The following LIMCH1 variants were observed in gnomAD, a reference collection of about 807,000 sequenced individuals.
The protein encoded by LIMCH1 is LIM and calponin homology domains-containing protein 1.
Under a neutral mutation model 176.5 loss-of-function variants are expected in LIMCH1, and 113 were observed. That is an observed-to-expected ratio of 0.64 (90% confidence interval 0.55 to 0.75). LIMCH1 has a LOEUF of 0.75. Among genes scored for constraint, LIMCH1 ranks in the 30% least tolerant of loss-of-function variants. The pLI is 0.00. For synonymous variants in LIMCH1, 619 were observed against 645.9 expected, an observed-to-expected ratio of 0.96 and a Z score of 0.63; for missense variants, 1,674 against 1,814.9, an observed-to-expected ratio of 0.92 and a Z score of 1.41.
chr4:41,531,843 C>T (rs763791325), intron 3 of LIMCH1, among the ~76,000 whole-genome samples: 3 of 152,030 alleles, frequency 2.0e-5, no homozygotes, highest in East Asian at 1.9e-4. Context: ...TGGTACGATC[C>T]GGAGTCTCCA....
In LIMCH1 at chr4:41,697,406, A is replaced by C. The variant is rs2153105336; in HGVS notation, c.*221A>C. ...TTTTTTGCATTTGCACAGTATACAC[A>C]AAAGAATATGGGGTTGTAATGATCC... On this transcript the variant is annotated 3_prime_UTR_variant, in exon 32 of 32. Transcript: ENST00000503057. The C allele has an allele frequency of 2.0e-6, 1 of 510,474 alleles. No individual in the cohort carries two copies. The highest frequency in any genetic ancestry group is 2.9e-5 in the East Asian group (1 of 34,010). The allele number at this position is 510,474 out of a possible 1,614,324, so 31.6% of individuals were successfully genotyped here.
At chr4:41,514,699 TG>T (rs1183155942) in intron 2 of LIMCH1, among the ~76,000 whole-genome samples, 1 of 152,172 alleles carries the variant, frequency 6.6e-6, no homozygotes, top group African/African-American at 2.4e-5. Flanking sequence ...CTGGTGGCAA[TG>T]GAGACTTTTG....
At chr4:41,668,833 C>T (rs918374871) in intron 21 of LIMCH1, among the ~76,000 whole-genome samples, 7 of 152,110 alleles carry the variant, frequency 4.6e-5, no homozygotes, top group Non-Finnish European at 1.0e-4. Flanking sequence ...GGAAGAGCAA[C>T]GGGACATCTT....
intron 2 of LIMCH1, among the ~76,000 whole-genome samples, chr4:41,508,817 C>T (rs1403180104): frequency 6.6e-6 from 1 of 152,142 alleles, no homozygotes; most frequent in Non-Finnish European, 1.5e-5. Context: ...TCAGAAAAGG[C>T]CTGCCTTGCT....
At chr4:41,539,333 T>C (rs1357351992) in intron 1 of LIMCH1, among the ~76,000 whole-genome samples, 1 of 152,162 alleles carries the variant, frequency 6.6e-6, no homozygotes, top group Non-Finnish European at 1.5e-5. Flanking sequence ...AAGGGGTTTG[T>C]CCTGTGCTGC....
intron 27 of LIMCH1, 43 bp downstream of exon 27, chr4:41,684,561 T>G (rs778875735): frequency 1.2e-6 from 2 of 1,605,752 alleles, no homozygotes; most frequent in Non-Finnish European, 1.7e-6. Flanking sequence ...TTTAAATTGT[T>G]GTAAGACCCC....
chr4:41,498,432 GGCAGTA>G (rs1453664331), intron 2 of LIMCH1, among the ~76,000 whole-genome samples: 1 of 152,166 alleles, frequency 6.6e-6, no homozygotes, highest in Non-Finnish European at 1.5e-5. Context: ...CCAGTGGAAT[GGCAGTA>G]GATGTGTTTT....
chr4:41,382,933 G>T (rs1008983936), intron 1 of LIMCH1, among the ~76,000 whole-genome samples: 1 of 152,118 alleles, frequency 6.6e-6, no homozygotes, highest in Non-Finnish European at 1.5e-5. Flanking sequence ...TGGGACTACA[G>T]GTGCATGCCA....
intron 1 of LIMCH1, among the ~76,000 whole-genome samples, chr4:41,389,835 A>G (rs1398970723): frequency 1.3e-5 from 2 of 152,154 alleles, no homozygotes; most frequent in Non-Finnish European, 2.9e-5. Flanking sequence ...ATTGCTCCAG[A>G]TCCTGAACTA....
intron 20 of LIMCH1, among the ~76,000 whole-genome samples, chr4:41,665,128 C>T (rs780084656): frequency 1.3e-5 from 2 of 152,118 alleles, no homozygotes; most frequent in African/African-American, 2.4e-5. Context: ...AGATAAAGGG[C>T]GAATGGTGGC....
intron 26 of LIMCH1, among the ~76,000 whole-genome samples, chr4:41,683,308 A>G (rs1717806805): frequency 1.3e-5 from 2 of 152,174 alleles, no homozygotes; most frequent in African/African-American, 4.8e-5. Flanking sequence ...AAGGACAGCT[A>G]GAGACCCCCT....
intron 1 of LIMCH1, among the ~76,000 whole-genome samples, chr4:41,419,484 G>GT (rs534691121): frequency 1.3e-5 from 2 of 151,856 alleles, no homozygotes; most frequent in African/African-American, 2.4e-5. Flanking sequence ...AAGTCATTAA[G>GT]TTTTTTTTAA....
At chr4:41,584,641 T>C (rs1469195835) in intron 1 of LIMCH1, among the ~76,000 whole-genome samples, 1 of 152,218 alleles carries the variant, frequency 6.6e-6, no homozygotes, top group Non-Finnish European at 1.5e-5. Context: ...CTGGGACATA[T>C]CTCTAGGACT....
At chr4:41,466,451 C>G (rs2066133359) in intron 1 of LIMCH1, among the ~76,000 whole-genome samples, 1 of 152,190 alleles carries the variant, frequency 6.6e-6, no homozygotes, top group Admixed American at 6.5e-5. Context: ...GATTGAGAAG[C>G]ACTGTTAATA....
At chr4:41,406,821 A>G (rs1197422451) in intron 1 of LIMCH1, among the ~76,000 whole-genome samples, 4 of 152,140 alleles carry the variant, frequency 2.6e-5, no homozygotes, top group Non-Finnish European at 5.9e-5. Context: ...CGGGATATAT[A>G]TTCATTATTA....
At chr4:41,629,892 C>T (rs188971782) in intron 9 of LIMCH1, among the ~76,000 whole-genome samples, 158 bp downstream of exon 9, 3 of 151,796 alleles carry the variant, frequency 2.0e-5, no homozygotes, top group East Asian at 3.9e-4. Context: ...ACTGTACCCT[C>T]GACTCCTGGG....
At chr4:41,597,560 C>T (rs1030058671) in intron 1 of LIMCH1, among the ~76,000 whole-genome samples, 1 of 152,162 alleles carries the variant, frequency 6.6e-6, no homozygotes, top group East Asian at 1.9e-4. Context: ...CAGGGTCCTG[C>T]AGGACTGAAA....
At chr4:41,460,610 A>C (rs1017645508) in intron 1 of LIMCH1, among the ~76,000 whole-genome samples, 1 of 151,764 alleles carries the variant, frequency 6.6e-6, no homozygotes, top group African/African-American at 2.4e-5. Flanking sequence ...TATTTTTCTA[A>C]TTACTCAAAG....
chr4:41,609,197 T>A (rs918501791), intron 4 of LIMCH1, among the ~76,000 whole-genome samples: 2 of 150,752 alleles, frequency 1.3e-5, no homozygotes, highest in Non-Finnish European at 2.9e-5. Flanking sequence ...GATCTCTGCC[T>A]AAAAGAGCAA....
Sources: gnomAD v4.1 joint callset for allele counts (sites outside exome capture counted in the v4.1 genomes callset) on GRCh38, gnomAD v4.1.1 for gene constraint, MANE v1.5 for transcripts, NCBI Gene and HGNC (gene_info 2026-07-23, HGNC 2026-07-21) for gene names.